Variants in ESF1 observed in about 807,000 individuals in gnomAD.
The protein encoded by ESF1 is ESF1 nucleolar pre-rRNA processing protein.
Under a neutral mutation model 92.0 loss-of-function variants are expected in ESF1, and 58 were observed. The observed-to-expected ratio is 0.63, with a 90% CI of 0.51 to 0.78. The LOEUF is 0.78. ESF1 is among the 30% of genes least tolerant of loss of function. The probability of loss-of-function intolerance (pLI) is 0.00; values close to 1 mark genes in which losing one functional copy is unlikely to be tolerated. For synonymous variants in ESF1, 321 were observed against 313.7 expected, an observed-to-expected ratio of 1.02 and a Z score of -0.24; for missense variants, 922 against 989.1, an observed-to-expected ratio of 0.93 and a Z score of 0.91.
chr20:13,742,299 C>A (rs934091573), intron 9 of ESF1, among the ~76,000 whole-genome samples: 3 of 151,916 alleles, frequency 2.0e-5, no homozygotes, highest in Non-Finnish European at 2.9e-5. Context: ...GGCAAAACCC[C>A]GTCTCTACTA....
chr20:13,776,300 A>G (rs775220091), intron 2 of ESF1, 30 bp from the exon 3 acceptor site: 9 of 1,569,476 alleles, frequency 5.7e-6, no homozygotes, highest in Non-Finnish European at 7.7e-6. Flanking sequence ...AAAGAAATTA[A>G]GAAAAGATAT....
intron 10 of ESF1, among the ~76,000 whole-genome samples, chr20:13,731,297 C>A (rs982790046): frequency 6.6e-6 from 1 of 151,840 alleles, no homozygotes; most frequent in African/African-American, 2.4e-5. Flanking sequence ...TTTGGGAGGC[C>A]GAGGCGGGAG....
chr20:13,772,486 T>C (rs200919537), intron 5 of ESF1, 29 bp downstream of exon 5: 19 of 1,465,354 alleles, frequency 1.3e-5, no homozygotes, highest in East Asian at 2.3e-5. Context: ...TTATGAGGTT[T>C]AGTTTTATGT....
At chr20:13,768,538 C>T (rs991012458) in intron 7 of ESF1, among the ~76,000 whole-genome samples, 1 of 151,616 alleles carries the variant, frequency 6.6e-6, no homozygotes, top group African/African-American at 2.4e-5. Context: ...GCCAGGATTG[C>T]ACCACCGTAC....
At chr20:13,775,414 T>A in intron 3 of ESF1, 144 bp from the exon 4 acceptor site, 1 of 518,280 alleles carries the variant, frequency 1.9e-6, no homozygotes, top group Non-Finnish European at 3.3e-6. Context: ...ATTCAGTATA[T>A]AAAAGAGAAC....
chr20:13,755,427 G>A (rs1978848955), intron 9 of ESF1, among the ~76,000 whole-genome samples: 1 of 152,156 alleles, frequency 6.6e-6, no homozygotes, highest in Admixed American at 6.5e-5. Flanking sequence ...TACAGGGGAA[G>A]TTATATAAAG....
In ESF1 at chr20:13,728,368, G is replaced by T; in HGVS notation, c.2038+10C>A. ...TTCCAGTTGAAAACTACAGATATGA[G>T]CTGGCTTACCTATTTGTTTAACTTC... is the stretch of plus-strand genomic sequence containing the variant. On this transcript the variant is annotated intron_variant, in intron 11 of 13. Coordinates refer to ENST00000617257, the MANE Select transcript of ESF1 (RefSeq NM_001276380.2). 6.3e-7 allele frequency: 1 copy of T among 1,599,418 alleles called. No individual in the cohort carries two copies. The highest frequency in any genetic ancestry group is 8.5e-7 in the Non-Finnish European group (1 of 1,172,250).
intron 12 of ESF1, 61 bp from the exon 13 acceptor site, chr20:13,717,575 G>GC (rs2049838758): frequency 6.3e-7 from 1 of 1,579,780 alleles, no homozygotes; most frequent in South Asian, 1.1e-5. Context: ...CCCCCAAAAA[G>GC]GAGTATAGGG....
At chr20:13,741,611 A>G (rs542417101) in intron 9 of ESF1, among the ~76,000 whole-genome samples, 262 of 152,328 alleles carry the variant, frequency 1.7e-3, no homozygotes, top group Non-Finnish European at 3.1e-3. Context: ...CACAAGATAA[A>G]ATCAGGTCCC....
intron 8 of ESF1, among the ~76,000 whole-genome samples, chr20:13,766,515 T>C (rs1979432160): frequency 6.6e-6 from 1 of 152,238 alleles, no homozygotes; most frequent in Non-Finnish European, 1.5e-5. Context: ...ATTGTTTTAC[T>C]GGTTTACTAA....
At chr20:13,768,653 T>C (rs780188252) in intron 7 of ESF1, among the ~76,000 whole-genome samples, 106 of 149,724 alleles carry the variant, frequency 7.1e-4, no homozygotes, top group Non-Finnish European at 1.1e-3. Flanking sequence ...TACCAGCACT[T>C]TGGGAGGCAG....
chr20:13,774,920 G>C (rs1361046215), intron 4 of ESF1, among the ~76,000 whole-genome samples: 1 of 151,980 alleles, frequency 6.6e-6, no homozygotes, highest in Non-Finnish European at 1.5e-5. Context: ...CCTTTACTGA[G>C]CTTTTATTTC....
At chr20:13,728,204 G>A (rs557119905) in intron 11 of ESF1, among the ~76,000 whole-genome samples, 174 bp downstream of exon 11, 7 of 152,246 alleles carry the variant, frequency 4.6e-5, no homozygotes, top group Admixed American at 2.6e-4. Flanking sequence ...GGGACAAGTT[G>A]ACCCTTCCCA....
intron 9 of ESF1, among the ~76,000 whole-genome samples, chr20:13,739,825 T>C (rs991663477): frequency 1.1e-4 from 17 of 151,348 alleles, no homozygotes; most frequent in Non-Finnish European, 2.5e-4. Context: ...CTTATATGGA[T>C]CTTTGGTTGT....
At chr20:13,717,551 T>C (rs1291798666) in intron 12 of ESF1, 37 bp from the exon 13 acceptor site, 2 of 1,606,296 alleles carry the variant, frequency 1.2e-6, no homozygotes, top group East Asian at 2.2e-5. Context: ...TGTACAACAG[T>C]GCTTTTTTTT....
chr20:13,776,237 C>G lies in ESF1; in HGVS notation c.671G>C (p.Gly224Ala), dbSNP rs754063885. ...VQLIMTRDSD[G>A]YENSTDGEMC... ...TTCACCATCTGTTGAGTTTTCATAA[C>G]CATCACTGTCTCTTGTCATTATGAG... Residue 224 changes from glycine (G) to alanine (A), a missense_variant, in exon 3 of 14, where the codon GGT (glycine) becomes GCT (alanine). Transcript: ENST00000617257. The G allele has an allele frequency of 6.2e-7, 1 of 1,613,324 alleles. No homozygotes were observed. The highest frequency in any genetic ancestry group is 2.2e-5 in the East Asian group (1 of 44,866).
At chr20:13,775,113 A>T in intron 4 of ESF1, 44 bp downstream of exon 4, 1 of 1,361,328 alleles carries the variant, frequency 7.3e-7, no homozygotes, top group Non-Finnish European at 1.0e-6. Context: ...GATTTAACTT[A>T]AAATGCCTAG....
chr20:13,748,120 T>A (rs550474809), intron 9 of ESF1, among the ~76,000 whole-genome samples: 3 of 152,338 alleles, frequency 2.0e-5, no homozygotes, highest in African/African-American at 7.2e-5. Flanking sequence ...AATGTCGTTA[T>A]ACAGGGTATG....
chr20:13,731,407 C>T (rs2049941714), intron 10 of ESF1, among the ~76,000 whole-genome samples: 1 of 151,916 alleles, frequency 6.6e-6, no homozygotes, highest in South Asian at 2.1e-4. Context: ...TGGCGGGCGC[C>T]TGTAGTCCCA....
Sources: allele counts gnomAD v4.1 joint callset (sites outside exome capture counted in the v4.1 genomes callset), GRCh38; gene constraint gnomAD v4.1.1; transcripts MANE v1.5; gene names NCBI Gene and HGNC (gene_info 2026-07-23, HGNC 2026-07-21).